GPR26: variants seen among roughly 807,000 people sequenced by gnomAD.
GPR26 encodes G protein-coupled receptor 26.
In GPR26, 15 loss-of-function variants were observed where a neutral mutation model predicts 23.1. That is an observed-to-expected ratio of 0.65 (90% CI 0.43 to 1.00). GPR26 has a LOEUF of 1.00. GPR26 is among the 50% of genes least tolerant of loss of function. The pLI is 0.00. For synonymous variants in GPR26, 228 were observed against 222.1 expected (o/e 1.03, Z -0.24); for missense variants, 359 against 470.5 (o/e 0.76, Z 2.19).
rs564828740 is a variant in GPR26 at position 123,679,926 on chromosome 10, G to A, written c.782+4995G>A. On this transcript the variant is annotated intron_variant, in intron 2 of 2. Coordinates refer to ENST00000284674, the MANE Select transcript of GPR26 (RefSeq NM_153442.4). ...AGCCCACTGCACTGCAGCTGCAATC[G>A]TGGACTGCAGCCCTGGGGCAGGCAG... Among the ~76,000 whole-genome samples, 7 of 152,358 alleles carry A rather than the reference G, an allele frequency of 4.6e-5. No individual in the cohort carries two copies. In the East Asian group the frequency reaches 7.7e-4, roughly 17 times the overall value.
At chr10:123,686,902 G>A (rs1386842103) in intron 2 of GPR26, among the ~76,000 whole-genome samples, 1 of 152,122 alleles carries the variant, frequency 6.6e-6, no homozygotes, top group African/African-American at 2.4e-5. Flanking sequence ...AGTGTTATAT[G>A]ATCTCCAGAC....
Position 123,691,471 on chromosome 10 carries a change from G to A in GPR26, c.*3311G>A, listed in dbSNP as rs964761944. ...AGAATGGGGCCAGGTTCATGTCCCA[G>A]TTGTCACCCTTTTACATGCTTGGGT... On this transcript the variant is annotated 3_prime_UTR_variant, in exon 3 of 3. Coordinates refer to ENST00000284674, the MANE Select transcript of GPR26 (RefSeq NM_153442.4). The A allele has an allele frequency of 3.3e-5, 5 of 152,110 alleles. No homozygotes were observed. Among genetic ancestry groups the A allele is most frequent in the African/African-American group, 1.2e-4 (5 of 41,408 alleles). 9.4% of individuals were successfully genotyped at this position (152,110 alleles called of 1,614,324 possible).
In GPR26 at chr10:123,689,587, G is replaced by A. The variant is rs1247946352; in HGVS notation, c.*1427G>A. ...GGAAGCACGGGGAGCAATGGAATCA[G>A]ATGGCTCATTCTCTCCTTCCAGCTC... On this transcript the variant is annotated 3_prime_UTR_variant, in exon 3 of 3. Coordinates refer to ENST00000284674, the MANE Select transcript of GPR26 (RefSeq NM_153442.4). 1 of 152,194 alleles carries A rather than the reference G, an allele frequency of 6.6e-6. No individual in the cohort carries two copies. The highest frequency in any genetic ancestry group is 1.9e-4 in the East Asian group (1 of 5,198). 9.4% of individuals were successfully genotyped at this position (152,194 alleles called of 1,614,324 possible).
intron 2 of GPR26, among the ~76,000 whole-genome samples, chr10:123,685,033 C>T (rs369217032): frequency 2.6e-5 from 4 of 152,186 alleles, no homozygotes; most frequent in African/African-American, 4.8e-5. Context: ...TCCCACGTCC[C>T]GTCCTGAGAC....
At chr10:123,682,282 C>A (rs551342270) in intron 2 of GPR26, among the ~76,000 whole-genome samples, 2 of 152,324 alleles carry the variant, frequency 1.3e-5, no homozygotes, top group East Asian at 3.9e-4. Flanking sequence ...TCCCAAGAGA[C>A]CATCAGCACT....
chr10:123,670,383 C>T (rs1253637878), intron 1 of GPR26, among the ~76,000 whole-genome samples: 1 of 152,238 alleles, frequency 6.6e-6, no homozygotes, highest in African/African-American at 2.4e-5. Context: ...CTAAGACTCA[C>T]ACTCAGGTCT....
At position 123,695,726 on chromosome 10, in the gene GPR26, CA is replaced by C. The variant is rs1340559500; in HGVS notation, c.*7569del. On this transcript the variant is annotated 3_prime_UTR_variant, in exon 3 of 3. Transcript: ENST00000284674. ...GCTTTGCACTCAACTCATGTATTAC[CA>C]AATCTTTGCTTGAATTATTAATAGT... Among the ~76,000 whole-genome samples the C allele has an allele frequency of 6.6e-6, 1 of 152,152 alleles. No homozygotes were observed. The highest frequency in any genetic ancestry group is 1.5e-5 in the Non-Finnish European group (1 of 68,040).
chr10:123,682,670 G>A (rs936843464), intron 2 of GPR26, among the ~76,000 whole-genome samples: 2 of 152,246 alleles, frequency 1.3e-5, no homozygotes, highest in Non-Finnish European at 2.9e-5. Context: ...AATTGTGGTT[G>A]TCATAAATCA....
intron 1 of GPR26, among the ~76,000 whole-genome samples, chr10:123,668,389 C>G (rs1464843391): frequency 1.3e-5 from 2 of 152,202 alleles, no homozygotes; most frequent in African/African-American, 4.8e-5. Flanking sequence ...ACAGAATCCC[C>G]ACAGATTCAG....
rs1211161496 is a variant in GPR26, at chr10:123,688,171, T to A, written c.*11T>A. Reference sequence around the variant, plus strand: ...CCGGTGTCTGAGTGAAGGACCGCGCTCCTGCTGAAGAGTTTAGAATGAGGC... The same window carrying A: ...CCGGTGTCTGAGTGAAGGACCGCGCACCTGCTGAAGAGTTTAGAATGAGGC... On this transcript the variant is annotated 3_prime_UTR_variant, in exon 3 of 3. Transcript: ENST00000284674. 1.6e-6 allele frequency: 2 copies of A among 1,233,460 alleles called. No individual in the cohort carries two copies. The highest frequency in any genetic ancestry group is 3.8e-5 in the Admixed American group (2 of 52,874). The allele number at this position is 1,233,460 out of a possible 1,614,324, so 76.4% of individuals were successfully genotyped here. A position where few individuals can be genotyped will look rare whatever the true frequency, so the allele number is the denominator to read the frequency against.
In GPR26 at chr10:123,691,504, G is replaced by C. The variant is rs1845490278; in HGVS notation, c.*3344G>C. On this transcript the variant is annotated 3_prime_UTR_variant, in exon 3 of 3. Transcript: ENST00000284674. The stretch of plus-strand genomic sequence containing the variant: ...CCTTTTACATGCTTGGGTGCAGGTA[G>C]ATGAGGCCTTCCCATGGCTACAGTG... The C allele has an allele frequency of 6.6e-6, 1 of 152,218 alleles. No homozygotes were observed. The highest frequency in any genetic ancestry group is 1.9e-4 in the East Asian group (1 of 5,204). The allele number at this position is 152,218 out of a possible 1,614,324, so 9.4% of individuals were successfully genotyped here.
rs1845502777 is a variant in GPR26, at chr10:123,692,826, C to G, written c.*4666C>G. On this transcript the variant is annotated 3_prime_UTR_variant, in exon 3 of 3. Coordinates refer to ENST00000284674, the MANE Select transcript of GPR26 (RefSeq NM_153442.4). ...GGAGAATGCAAAACAGGGCAGGGCT[C>G]TCAAGGAGGGTGGACCAGTGACCAT... 6.6e-6 allele frequency: 1 copy of G among 152,168 alleles called. No homozygotes were observed. Among genetic ancestry groups the G allele is most frequent in the African/African-American group, 2.4e-5 (1 of 41,420 alleles). The allele number at this position is 152,168 out of a possible 1,614,324, so 9.4% of individuals were successfully genotyped here. A position where few individuals can be genotyped will look rare whatever the true frequency, so the allele number is the denominator to read the frequency against.
intron 2 of GPR26, among the ~76,000 whole-genome samples, chr10:123,675,145 G>A (rs529117544): frequency 1.3e-5 from 2 of 152,232 alleles, no homozygotes; most frequent in African/African-American, 4.8e-5. Flanking sequence ...CCCAAAGGGT[G>A]TGAAAGACTC....
In GPR26 at chr10:123,693,968, G is replaced by A. The variant is rs1251191152; in HGVS notation, c.*5808G>A. On this transcript the variant is annotated 3_prime_UTR_variant, in exon 3 of 3. Transcript: ENST00000284674. ...AGGAGCGGAGTCCTGGAGCCTCTGGGAGGGTGGCATGTGGCAGCTGCAGGC... is the reference window on the plus strand; with the variant it reads ...AGGAGCGGAGTCCTGGAGCCTCTGGAAGGGTGGCATGTGGCAGCTGCAGGC... The A allele has an allele frequency of 6.9e-6, 1 of 145,158 alleles. No homozygotes were observed. Among genetic ancestry groups the A allele is most frequent in the Non-Finnish European group, 1.6e-5 (1 of 63,096 alleles). 9.0% of individuals were successfully genotyped at this position (145,158 alleles called of 1,614,324 possible).
In GPR26 at chr10:123,690,683, A is replaced by G. The variant is rs2133933863; in HGVS notation, c.*2523A>G. On this transcript the variant is annotated 3_prime_UTR_variant, in exon 3 of 3. Transcript: ENST00000284674. ...TAAATCCCAAGGGAAAGTGAGAAGA[A>G]AATTAATGTATTAGCAACCAGTGTT... is the stretch of plus-strand genomic sequence containing the variant. The G allele has an allele frequency of 6.6e-6, 1 of 152,374 alleles. No homozygotes were observed. The allele number at this position is 152,374 out of a possible 1,614,324, so 9.4% of individuals were successfully genotyped here. A position where few individuals can be genotyped will look rare whatever the true frequency, so the allele number is the denominator to read the frequency against.
At chr10:123,673,201 T>C (rs1181276154) in intron 1 of GPR26, among the ~76,000 whole-genome samples, 1 of 152,216 alleles carries the variant, frequency 6.6e-6, no homozygotes, top group African/African-American at 2.4e-5. Flanking sequence ...GGAAAAATCT[T>C]GGAAGAATTT....
At chr10:123,681,534 GT>G in intron 2 of GPR26, among the ~76,000 whole-genome samples, 1 of 152,222 alleles carries the variant, frequency 6.6e-6, no homozygotes, top group Non-Finnish European at 1.5e-5. Flanking sequence ...AAATGGAGAC[GT>G]GTCAAGAGTG....
rs781340795 is a variant in GPR26 at position 123,667,050 on chromosome 10, G to T, written c.643G>T (p.Val215Leu). 3.8e-6 allele frequency: 6 copies of T among 1,596,166 alleles called. No homozygotes were observed. Among genetic ancestry groups the T allele is most frequent in the Non-Finnish European group, 5.1e-6 (6 of 1,171,630 alleles). ...CGACGTGATCACCATGCAGACGCTG[G>T]TGCTGCTGGTGGACCTGCACCCCAG... Reference protein sequence around the residue: ...RIDVITMQTLVLLVDLHPSVR... With the variant: ...RIDVITMQTLLLLVDLHPSVR... The change falls in exon 1 of 3, where the codon GTG becomes TTG. Residue 215 changes from valine (V) to leucine (L), a missense_variant. Transcript: ENST00000284674.
chr10:123,684,852 A>G (rs914869050), intron 2 of GPR26, among the ~76,000 whole-genome samples: 2 of 152,156 alleles, frequency 1.3e-5, no homozygotes, highest in African/African-American at 4.8e-5. Context: ...CAACATGTGA[A>G]TTTTTGGGGG....
Sources: allele counts gnomAD v4.1 joint callset (sites outside exome capture counted in the v4.1 genomes callset), GRCh38; gene constraint gnomAD v4.1.1; transcripts MANE v1.5; gene names NCBI Gene and HGNC (gene_info 2026-07-23, HGNC 2026-07-21).